The following PLPPR1 variants were observed in gnomAD, a reference collection of about 807,000 sequenced individuals.
PLPPR1 encodes phospholipid phosphatase-related protein type 1.
PLPPR1 carries 10 observed loss-of-function variants against 33.1 expected under a neutral mutation model. The observed-to-expected ratio is 0.30, with a 90% CI of 0.19 to 0.51. The LOEUF is 0.51. PLPPR1 is among the 20% of genes least tolerant of loss of function. PLPPR1 has a pLI of 0.97. For synonymous variants in PLPPR1, 151 were observed against 151.0 expected (o/e 1.00, Z 0.00); for missense variants, 304 against 408.1 (o/e 0.74, Z 2.20).
chr9:101,294,066 TAAAG>T (rs1828571414), intron 4 of PLPPR1, among the ~76,000 whole-genome samples: 1 of 151,758 alleles, frequency 6.6e-6, no homozygotes, highest in Non-Finnish European at 1.5e-5. Context: ...GCAAGACTAA[TAAAG>T]AAGAAAAGAG....
At chr9:101,170,962 G>A (rs1464877177) in intron 1 of PLPPR1, among the ~76,000 whole-genome samples, 2 of 151,922 alleles carry the variant, frequency 1.3e-5, no homozygotes, top group Non-Finnish European at 2.9e-5. Context: ...AAAGAAAATG[G>A]CATTTAATTG....
chr9:101,209,868 T>C (rs1826659088), intron 2 of PLPPR1, among the ~76,000 whole-genome samples: 1 of 152,186 alleles, frequency 6.6e-6, no homozygotes, highest in Non-Finnish European at 1.5e-5. Context: ...GATCTAATCA[T>C]TTGCTCTGTC....
intron 1 of PLPPR1, among the ~76,000 whole-genome samples, chr9:101,079,112 T>C (rs1830584532): frequency 6.6e-6 from 1 of 152,200 alleles, no homozygotes; most frequent in Non-Finnish European, 1.5e-5. Flanking sequence ...GCATCTACTT[T>C]CCATGTTTTA....
At chr9:101,059,848 C>A (rs75871877) in intron 1 of PLPPR1, among the ~76,000 whole-genome samples, 18 of 151,950 alleles carry the variant, frequency 1.2e-4, no homozygotes, top group Admixed American at 9.8e-4. Flanking sequence ...AAAAGGGAAC[C>A]CTTGCACACC....
At chr9:101,091,862 C>T (rs1038657050) in intron 1 of PLPPR1, among the ~76,000 whole-genome samples, 6 of 152,158 alleles carry the variant, frequency 3.9e-5, no homozygotes, top group Admixed American at 1.3e-4. Flanking sequence ...ACTTGCAATT[C>T]GGATCTCATC....
At chr9:101,080,059 A>AGATT (rs1830599593) in intron 1 of PLPPR1, among the ~76,000 whole-genome samples, 1 of 152,168 alleles carries the variant, frequency 6.6e-6, no homozygotes, top group Non-Finnish European at 1.5e-5. Context: ...TCTAAGATTT[A>AGATT]TATCTTCCAT....
intron 2 of PLPPR1, among the ~76,000 whole-genome samples, chr9:101,248,744 A>G (rs1827659318): frequency 1.3e-5 from 2 of 152,076 alleles, no homozygotes; most frequent in South Asian, 2.1e-4. Context: ...TCTTATTTCA[A>G]TTTAGAGAAA....
chr9:101,260,247 C>G (rs563452864), intron 2 of PLPPR1, among the ~76,000 whole-genome samples: 1 of 152,180 alleles, frequency 6.6e-6, no homozygotes, highest in East Asian at 1.9e-4. Flanking sequence ...AAATTCAGCC[C>G]ATACAAAGTA....
chr9:101,287,998 A>G (rs1166766633), intron 4 of PLPPR1, among the ~76,000 whole-genome samples: 2 of 152,230 alleles, frequency 1.3e-5, no homozygotes, highest in African/African-American at 4.8e-5. Flanking sequence ...ATTTATTGCA[A>G]TTAAATTGGA....
At chr9:101,273,825 C>T (rs1828140992) in intron 3 of PLPPR1, among the ~76,000 whole-genome samples, 1 of 152,006 alleles carries the variant, frequency 6.6e-6, no homozygotes, top group Non-Finnish European at 1.5e-5. Context: ...TTATATAGTC[C>T]ATTTCTTTTG....
At chr9:101,156,568 AAAAAAG>A (rs1375065265) in intron 1 of PLPPR1, among the ~76,000 whole-genome samples, 9 of 109,050 alleles carry the variant, frequency 8.3e-5, no homozygotes, top group African/African-American at 1.7e-4. Context: ...AAAAAAAAAA[AAAAAAG>A]AAAGAAAGAA....
Position 101,317,443 on chromosome 9 carries a change from C to G in PLPPR1, c.892C>G (p.Pro298Ala). 6.2e-7 allele frequency: 1 copy of G among 1,613,982 alleles called. No homozygotes were observed. The change falls in exon 7 of 8, where the codon CCC becomes GCC. Residue 298 changes from proline to alanine, a missense_variant. Transcript: ENST00000374874. ...KPKPEDPRGVPLMAFPRIESP... is the reference protein window; with the variant it reads ...KPKPEDPRGVALMAFPRIESP... ...CAAGCCTGAGGATCCCCGTGGAGTA[C>G]CCCTAATGGCTTTCCCAAGGATAGA...
At chr9:101,186,260 A>G (rs1475998363) in intron 2 of PLPPR1, among the ~76,000 whole-genome samples, 1 of 151,896 alleles carries the variant, frequency 6.6e-6, no homozygotes, top group Non-Finnish European at 1.5e-5. Context: ...ATCTCAAAAT[A>G]AGATGTTGAT....
chr9:101,259,310 G>A (rs765071508), intron 2 of PLPPR1, among the ~76,000 whole-genome samples: 1 of 152,136 alleles, frequency 6.6e-6, no homozygotes, highest in South Asian at 2.1e-4. Flanking sequence ...GACTCTATTC[G>A]AATGGTAGGC....
chr9:101,109,273 T>C (rs115686031), intron 1 of PLPPR1, among the ~76,000 whole-genome samples: 2,677 of 151,704 alleles, frequency 0.018, 50 homozygotes, highest in African/African-American at 0.045. Context: ...CGCGCCCGAC[T>C]GGTCCTCAGT....
intron 2 of PLPPR1, among the ~76,000 whole-genome samples, chr9:101,189,746 G>A (rs376286704): frequency 6.6e-6 from 1 of 151,964 alleles, no homozygotes; most frequent in African/African-American, 2.4e-5. Context: ...AGCCCATCTC[G>A]TTGCTGCTTT....
chr9:101,106,059 G>T (rs1830964324), intron 1 of PLPPR1, among the ~76,000 whole-genome samples: 1 of 151,194 alleles, frequency 6.6e-6, no homozygotes, highest in African/African-American at 2.5e-5. Flanking sequence ...ATGTGAGATG[G>T]GTTTCCTGAA....
intron 1 of PLPPR1, chr9:101,125,506 A>G: frequency 5.7e-6 from 2 of 348,748 alleles, no homozygotes; most frequent in South Asian, 3.4e-5. Flanking sequence ...GCAAGAGACA[A>G]AACAGGGACC....
At chr9:101,204,508 C>T (rs1826553209) in intron 2 of PLPPR1, among the ~76,000 whole-genome samples, 1 of 152,152 alleles carries the variant, frequency 6.6e-6, no homozygotes, top group South Asian at 2.1e-4. Context: ...ATTTTAAGTT[C>T]CAGCCAGCCA....
Sources: gnomAD v4.1 joint callset for allele counts (sites outside exome capture counted in the v4.1 genomes callset) on GRCh38, gnomAD v4.1.1 for gene constraint, MANE v1.5 for transcripts, NCBI Gene and HGNC (gene_info 2026-07-23, HGNC 2026-07-21) for gene names.